FGF12: variants seen among roughly 807,000 people sequenced by gnomAD.
FGF12 encodes the protein fibroblast growth factor 12B.
Under a neutral mutation model 23.6 loss-of-function variants are expected in FGF12, and 14 were observed. The observed-to-expected ratio is 0.59, with a 90% CI of 0.39 to 0.93. The LOEUF (loss-of-function observed/expected upper bound fraction) is 0.93. Among genes scored for constraint, FGF12 ranks in the 40% least tolerant of loss-of-function variants. The pLI, the probability that FGF12 is intolerant of heterozygous loss-of-function variation, is 0.00. For synonymous variants in FGF12, 62 were observed against 77.3 expected, an observed-to-expected ratio of 0.80 and a Z score of 1.04; for missense variants, 175 against 217.8, an observed-to-expected ratio of 0.80 and a Z score of 1.24.
intron 2 of FGF12, among the ~76,000 whole-genome samples, chr3:192,605,044 G>C (rs908332588): frequency 3.3e-5 from 5 of 152,062 alleles, no homozygotes; most frequent in Non-Finnish European, 5.9e-5. Context: ...AAAAACTCAA[G>C]CTGAATTAAA....
intron 2 of FGF12, among the ~76,000 whole-genome samples, chr3:192,661,255 C>T (rs114509893): frequency 0.03 from 4,500 of 152,296 alleles, 189 homozygotes; most frequent in African/African-American, 0.1. Context: ...GGCGCTGTGG[C>T]TCACGCCTGC....
Position 192,727,080 on chromosome 3 carries a change from G to C in FGF12, c.13+101C>G. The C allele has an allele frequency of 2.1e-6, 3 of 1,423,816 alleles. No individual in the cohort carries two copies. The South Asian group carries it at 3.7e-5, about 17-fold the overall frequency. The allele number at this position is 1,423,816 out of a possible 1,614,324, so 88.2% of individuals were successfully genotyped here. On this transcript the variant is annotated intron_variant, in intron 2 of 5. Coordinates refer to ENST00000445105, the MANE Select transcript of FGF12 (RefSeq NM_004113.6). ...TAGCATCTCCTCCTCTATCGACCTAGTATGATGCTCGCTCCCCAAGCACTG... is the reference window on the plus strand; with the variant it reads ...TAGCATCTCCTCCTCTATCGACCTACTATGATGCTCGCTCCCCAAGCACTG...
chr3:192,496,202 C>A (rs1723950897), intron 2 of FGF12, among the ~76,000 whole-genome samples: 2 of 151,966 alleles, frequency 1.3e-5, no homozygotes, highest in African/African-American at 4.8e-5. Context: ...CCACCCCAAG[C>A]TAATGGATTC....
Position 192,408,917 on chromosome 3 carries a change from A to T in FGF12, c.14-48379T>A, listed in dbSNP as rs945387814. 2.0e-6 allele frequency: 2 copies of T among 985,106 alleles called. No individual in the cohort carries two copies. The highest frequency in any genetic ancestry group is 2.4e-6 in the Non-Finnish European group (2 of 829,954). The allele number at this position is 985,106 out of a possible 1,614,324, so 61.0% of individuals were successfully genotyped here. A position where few individuals can be genotyped will look rare whatever the true frequency, so the allele number is the denominator to read the frequency against. Reference sequence around the variant, plus strand: ...TGCATCGCGCCGGCTGCGGCTTTCCAGGGGCCGGCCACCCGAGTTCTGGAA... The same window carrying T: ...TGCATCGCGCCGGCTGCGGCTTTCCTGGGGCCGGCCACCCGAGTTCTGGAA... On this transcript the variant is annotated intron_variant, in intron 2 of 5. Coordinates refer to ENST00000445105, the MANE Select transcript of FGF12 (RefSeq NM_004113.6). This position sits in a 1 kb window ranked among gnomAD's most constrained non-coding sequence, Gnocchi z 7.3.
At chr3:192,334,516 G>A (rs948044179) in intron 4 of FGF12, among the ~76,000 whole-genome samples, 2 of 151,966 alleles carry the variant, frequency 1.3e-5, no homozygotes, top group African/African-American at 2.4e-5. Context: ...ACAAGAAAGC[G>A]GAAATACACA....
chr3:192,390,049 G>A lies in FGF12; in HGVS notation c.14-29511C>T, dbSNP rs530236505. 2.0e-5 allele frequency among the ~76,000 whole-genome samples: 3 copies of A among 152,280 alleles called. No homozygotes were observed. In the South Asian group the frequency reaches 6.2e-4, roughly 32 times the overall value. ...TATGAAAAACATTCAAATGTCCATG[G>A]GTTTTCCTTCCTTAGAACATACAAA... On this transcript the variant is annotated intron_variant, in intron 2 of 5. Coordinates refer to ENST00000445105, the MANE Select transcript of FGF12 (RefSeq NM_004113.6).
rs117589630 is a variant in FGF12, at chr3:192,241,798, C to T, written c.229-71142G>A. On this transcript the variant is annotated intron_variant, in intron 4 of 5. Coordinates refer to ENST00000445105, the MANE Select transcript of FGF12 (RefSeq NM_004113.6). ...CCCGAGCACCTGGAACATTGCCTGG[C>T]TCATGACTGCAGGCAAAAATTTCTT... Among the ~76,000 whole-genome samples, 24 of 152,248 alleles carry T rather than the reference C, an allele frequency of 1.6e-4. No individual in the cohort carries two copies. In the East Asian group the frequency reaches 3.9e-3, roughly 24 times the overall value.
rs1409971768 is a variant in FGF12 at position 192,555,010 on chromosome 3, GA to G, written c.13+172170del. Among the ~76,000 whole-genome samples, 5 of 152,092 alleles carry G rather than the reference GA, an allele frequency of 3.3e-5. No homozygotes were observed. The East Asian group carries it at 9.6e-4, about 29-fold the overall frequency. The stretch of plus-strand genomic sequence containing the variant: ...GAGAAAAGAATAAAAGAATGAAAAA[GA>G]GTAAAGAAAGACTAAGAAACTTATG... On this transcript the variant is annotated intron_variant, in intron 2 of 5. Coordinates refer to ENST00000445105, the MANE Select transcript of FGF12 (RefSeq NM_004113.6).
At chr3:192,603,651 T>C (rs1259258603) in intron 2 of FGF12, among the ~76,000 whole-genome samples, 1 of 152,138 alleles carries the variant, frequency 6.6e-6, no homozygotes, top group Non-Finnish European at 1.5e-5. Context: ...AGCAGGTTTT[T>C]ATTAAAGATT....
At chr3:192,296,607 T>C (rs1489676948) in intron 4 of FGF12, among the ~76,000 whole-genome samples, 2 of 152,206 alleles carry the variant, frequency 1.3e-5, no homozygotes, top group South Asian at 2.1e-4. Flanking sequence ...TATTAATATT[T>C]ACCATCTTTA....
At chr3:192,553,349 G>A (rs532908388) in intron 2 of FGF12, among the ~76,000 whole-genome samples, 1 of 152,020 alleles carries the variant, frequency 6.6e-6, no homozygotes, top group Admixed American at 6.5e-5. Flanking sequence ...ATGGAAAAGG[G>A]TATAAATATA....
chr3:192,271,605 T>C (rs918259986), intron 4 of FGF12, among the ~76,000 whole-genome samples: 2 of 152,216 alleles, frequency 1.3e-5, no homozygotes, highest in Admixed American at 6.6e-5. Context: ...TTTCTACTAA[T>C]GGTATCTTCC....
intron 2 of FGF12, among the ~76,000 whole-genome samples, chr3:192,605,326 AGCCAAGGTC>A (rs1330571539): frequency 6.6e-6 from 1 of 151,416 alleles, no homozygotes; most frequent in African/African-American, 2.4e-5. Context: ...GGTTGCAGTG[AGCCAAGGTC>A]GCACCACTGC....
chr3:192,354,413 C>T (rs13082641), intron 3 of FGF12, among the ~76,000 whole-genome samples: 49,486 of 150,574 alleles, frequency 0.33, 8,575 homozygotes, highest in Admixed American at 0.41. Flanking sequence ...GAAAAGCTGA[C>T]GGCAGAAAAG....
At position 192,390,594 on chromosome 3, in the gene FGF12, G is replaced by T. The variant is rs78999307; in HGVS notation, c.14-30056C>A. On this transcript the variant is annotated intron_variant, in intron 2 of 5. Coordinates refer to ENST00000445105, the MANE Select transcript of FGF12 (RefSeq NM_004113.6). The stretch of plus-strand genomic sequence containing the variant: ...ATTATGGCAGAAGGGATGAAGAAAA[G>T]GTTATATGAAACAGAAGCTGATAGC... Among the ~76,000 whole-genome samples the T allele has an allele frequency of 9.8e-3, 1,499 of 152,252 alleles. 16 individuals are homozygous for T. The highest frequency in any genetic ancestry group is 0.035 in the African/African-American group (1,443 of 41,536).
At chr3:192,676,223 T>A (rs1458831380) in intron 2 of FGF12, among the ~76,000 whole-genome samples, 1 of 152,114 alleles carries the variant, frequency 6.6e-6, no homozygotes, top group African/African-American at 2.4e-5. Context: ...CCAGCTCACA[T>A]CACTACAAGA....
At chr3:192,221,584 T>C (rs1718479797) in intron 4 of FGF12, among the ~76,000 whole-genome samples, 1 of 152,110 alleles carries the variant, frequency 6.6e-6, no homozygotes, top group South Asian at 2.1e-4. Context: ...TAGAACATCA[T>C]AAATAGTCCT....
rs1430198209 is a variant in FGF12, at chr3:192,335,472, G to C, written c.125-8C>G. On this transcript the variant is annotated splice_polypyrimidine_tract_variant and splice_region_variant and intron_variant, in intron 3 of 5. Transcript: ENST00000445105. Reference sequence around the variant, plus strand: ...GAATTAGATTGAAGAGAGCTGGGGGGAGAAAAAGAAGGGCGGAAAGGATCA... The same window carrying C: ...GAATTAGATTGAAGAGAGCTGGGGGCAGAAAAAGAAGGGCGGAAAGGATCA... 2 of 1,588,266 alleles carry C rather than the reference G, an allele frequency of 1.3e-6. No individual in the cohort carries two copies. Among genetic ancestry groups the C allele is most frequent in the Non-Finnish European group, 1.7e-6 (2 of 1,157,570 alleles).
At chr3:192,485,145 G>A (rs923320391) in intron 2 of FGF12, among the ~76,000 whole-genome samples, 4 of 151,814 alleles carry the variant, frequency 2.6e-5, no homozygotes, top group Admixed American at 2.6e-4. Context: ...CTATAAACAG[G>A]TGTGCATGTG....
Sources: gnomAD v4.1 joint callset for allele counts (sites outside exome capture counted in the v4.1 genomes callset) on GRCh38, gnomAD v4.1.1 for gene constraint, Gnocchi (gnomAD v3.1) non-coding constraint, MANE v1.5 for transcripts, NCBI Gene and HGNC (gene_info 2026-07-23, HGNC 2026-07-21) for gene names.